Variants in ADAMTSL1 observed in about 807,000 individuals in gnomAD.
The protein encoded by ADAMTSL1 is ADAMTS like 1.
ADAMTSL1 carries 126 observed loss-of-function variants against 201.8 expected under a neutral mutation model. That is an observed-to-expected ratio of 0.62 (90% CI 0.54 to 0.72). The LOEUF is 0.72. Among genes scored for constraint, ADAMTSL1 ranks in the 30% least tolerant of loss-of-function variants. ADAMTSL1 has a pLI of 0.00. For missense variants in ADAMTSL1, 2,679 were observed against 2,277.8 expected, an observed-to-expected ratio of 1.18 and a Z score of -3.59; for synonymous variants, 1,121 against 903.4, an observed-to-expected ratio of 1.24 and a Z score of -4.32.
chr9:17,969,871 T>A (rs1200207766), intron 1 of ADAMTSL1, among the ~76,000 whole-genome samples: 1 of 152,120 alleles, frequency 6.6e-6, no homozygotes, highest in African/African-American at 2.4e-5. Context: ...CTTGTTTTGG[T>A]GTTAAGAGTT....
chr9:18,166,948 A>G (rs1042132857), intron 2 of ADAMTSL1, among the ~76,000 whole-genome samples: 4 of 151,910 alleles, frequency 2.6e-5, no homozygotes, highest in African/African-American at 9.7e-5. Flanking sequence ...GCATTGCGTT[A>G]GAAAAACTTT....
intron 2 of ADAMTSL1, among the ~76,000 whole-genome samples, chr9:18,197,683 C>A (rs1388094286): frequency 6.6e-6 from 1 of 150,500 alleles, no homozygotes; most frequent in Non-Finnish European, 1.5e-5. Flanking sequence ...CCTTCTCCTG[C>A]CTAATTGCCC....
At chr9:18,546,552 A>C (rs2132190838) in intron 3 of ADAMTSL1, among the ~76,000 whole-genome samples, 1 of 152,306 alleles carries the variant, frequency 6.6e-6, no homozygotes, top group South Asian at 2.1e-4. Context: ...CATTACCAAA[A>C]AAACTTATTC....
intron 2 of ADAMTSL1, among the ~76,000 whole-genome samples, chr9:18,359,993 T>C (rs1397034358): frequency 6.6e-6 from 1 of 152,130 alleles, no homozygotes; most frequent in Non-Finnish European, 1.5e-5. Flanking sequence ...TCCATAATTA[T>C]TGTGCAGATT....
At chr9:18,519,343 G>A (rs1252115514) in intron 2 of ADAMTSL1, among the ~76,000 whole-genome samples, 2 of 152,162 alleles carry the variant, frequency 1.3e-5, no homozygotes, top group Non-Finnish European at 2.9e-5. Flanking sequence ...ACCTAGTGTA[G>A]TGCTCGAGGG....
At chr9:18,476,116 T>C (rs973314506) in intron 1 of ADAMTSL1, among the ~76,000 whole-genome samples, 3 of 152,112 alleles carry the variant, frequency 2.0e-5, no homozygotes, top group Non-Finnish European at 1.5e-5. Flanking sequence ...TAAGTGGAAA[T>C]CTGAGAGTTA....
intron 1 of ADAMTSL1, among the ~76,000 whole-genome samples, chr9:18,160,816 A>G (rs1827352660): frequency 6.7e-6 from 1 of 148,838 alleles, no homozygotes; most frequent in Non-Finnish European, 1.5e-5. Flanking sequence ...AGTAGCTGGG[A>G]CTACCTGCAC....
At chr9:18,071,010 G>T (rs184148147) in intron 1 of ADAMTSL1, among the ~76,000 whole-genome samples, 1 of 152,152 alleles carries the variant, frequency 6.6e-6, no homozygotes, top group Non-Finnish European at 1.5e-5. Flanking sequence ...GGACTAGAAG[G>T]AAAGCAAAGC....
chr9:18,518,760 G>A (rs1317511530), intron 2 of ADAMTSL1, among the ~76,000 whole-genome samples: 1 of 152,088 alleles, frequency 6.6e-6, no homozygotes, highest in African/African-American at 2.4e-5. Flanking sequence ...CCAGGCTGGA[G>A]TGCAGTGGCA....
At chr9:18,701,625 G>T (rs1050871644) in intron 13 of ADAMTSL1, among the ~76,000 whole-genome samples, 3 of 152,028 alleles carry the variant, frequency 2.0e-5, no homozygotes, top group Admixed American at 1.3e-4. Flanking sequence ...AAATCAAACA[G>T]GTAAAGAGAA....
intron 2 of ADAMTSL1, among the ~76,000 whole-genome samples, chr9:18,416,520 T>G (rs150122243): frequency 1.5e-3 from 230 of 152,074 alleles, no homozygotes; most frequent in Admixed American, 6.0e-3. Flanking sequence ...TATGCTGCCT[T>G]CAAGAAGTAT....
intron 2 of ADAMTSL1, among the ~76,000 whole-genome samples, chr9:18,173,309 C>T (rs1827988439): frequency 6.6e-6 from 1 of 151,928 alleles, no homozygotes; most frequent in Admixed American, 6.6e-5. Flanking sequence ...TATATTTTTG[C>T]CTCACAATAT....
At chr9:18,334,592 A>C (rs1000212691) in intron 2 of ADAMTSL1, among the ~76,000 whole-genome samples, 1 of 152,172 alleles carries the variant, frequency 6.6e-6, no homozygotes, top group African/African-American at 2.4e-5. Flanking sequence ...ATTTTTCAAC[A>C]CTGGACATAC....
At chr9:18,206,521 T>C (rs1191395327) in intron 2 of ADAMTSL1, among the ~76,000 whole-genome samples, 2 of 152,152 alleles carry the variant, frequency 1.3e-5, no homozygotes, top group African/African-American at 4.8e-5. Flanking sequence ...CTATTATAGT[T>C]TCTAATTATT....
chr9:18,558,735 T>C (rs944008180), intron 3 of ADAMTSL1, among the ~76,000 whole-genome samples: 7 of 152,244 alleles, frequency 4.6e-5, no homozygotes, highest in African/African-American at 1.7e-4. Flanking sequence ...TCATTATAGA[T>C]TTGATTTCCA....
At chr9:18,353,218 A>C (rs1433366409) in intron 2 of ADAMTSL1, among the ~76,000 whole-genome samples, 2 of 152,196 alleles carry the variant, frequency 1.3e-5, no homozygotes, top group South Asian at 2.1e-4. Context: ...CTTCTTCATC[A>C]CTGTGTTGAA....
At chr9:18,338,126 C>T (rs891344807) in intron 2 of ADAMTSL1, among the ~76,000 whole-genome samples, 2 of 152,128 alleles carry the variant, frequency 1.3e-5, no homozygotes, top group African/African-American at 4.8e-5. Context: ...GAGCTACTTT[C>T]AGCATTCTGT....
intron 23 of ADAMTSL1, among the ~76,000 whole-genome samples, chr9:18,845,553 C>A (rs1371472115): frequency 6.6e-6 from 1 of 152,250 alleles, no homozygotes; most frequent in Non-Finnish European, 1.5e-5. Flanking sequence ...CATGCAAAGC[C>A]TGGCAGTGAG....
intron 2 of ADAMTSL1, among the ~76,000 whole-genome samples, chr9:18,530,606 TTG>T (rs1344181766): frequency 6.6e-6 from 1 of 152,100 alleles, no homozygotes; most frequent in Non-Finnish European, 1.5e-5. Flanking sequence ...CTCTATGCCT[TTG>T]CTTAGTTTCT....
Sources: allele counts gnomAD v4.1 joint callset (sites outside exome capture counted in the v4.1 genomes callset), GRCh38; gene constraint gnomAD v4.1.1; transcripts MANE v1.5; gene names NCBI Gene and HGNC (gene_info 2026-07-23, HGNC 2026-07-21).